Variants in DRD2 observed in about 807,000 individuals in gnomAD.
The protein encoded by DRD2 is D(2) dopamine receptor.
Under a neutral mutation model 38.0 loss-of-function variants are expected in DRD2, and 8 were observed. The observed-to-expected ratio is 0.21, with a 90% confidence interval of 0.12 to 0.38. The LOEUF (loss-of-function observed/expected upper bound fraction) is 0.38, where lower values mean the gene tolerates loss of function less well. Among genes scored for constraint, DRD2 ranks in the 10% least tolerant of loss-of-function variants. The pLI is 1.00. For missense variants in DRD2, 403 were observed against 607.7 expected (o/e 0.66, Z 3.54); for synonymous variants, 230 against 238.6 (o/e 0.96, Z 0.33).
chr11:113,453,882 T>A (rs1177333266), intron 1 of DRD2, among the ~76,000 whole-genome samples: 2 of 152,258 alleles, frequency 1.3e-5, no homozygotes, highest in Non-Finnish European at 2.9e-5. Flanking sequence ...AATAAATGTG[T>A]AGAATTGAGC....
At chr11:113,417,342 T>A (rs899901736) in intron 3 of DRD2, among the ~76,000 whole-genome samples, 1 of 152,188 alleles carries the variant, frequency 6.6e-6, no homozygotes, top group Non-Finnish European at 1.5e-5. Context: ...GTTGAGCCCA[T>A]AAGGTGGAAA....
rs1950782257 is a variant in DRD2 at position 113,412,787 on chromosome 11, G to C, written c.907C>G (p.His303Asp). ...GACGGGTCGGGGAGAGTCAGCTGGT[G>C]GTGGCTGGGTGGGATGGGGCTGTAC... Reference protein sequence around the residue: ...TRYSPIPPSHHQLTLPDPSHH... With the variant: ...TRYSPIPPSHDQLTLPDPSHH... The change falls in exon 7 of 8, where the codon CAC (histidine) becomes GAC (aspartate). Residue 303 changes from histidine to aspartate, a missense_variant. By Grantham distance (81) the His-to-Asp change is moderately conservative. Around this residue, in one of 4 missense-constraint regions of DRD2, gnomAD observed 166 missense variants for 178.6 expected, o/e 0.93. Transcript: ENST00000362072. The C allele has an allele frequency of 6.2e-7, 1 of 1,613,772 alleles. No individual in the cohort carries two copies. The highest frequency in any genetic ancestry group is 8.5e-7 in the Non-Finnish European group (1 of 1,179,716).
intron 1 of DRD2, among the ~76,000 whole-genome samples, chr11:113,432,380 A>G (rs1950996203): frequency 6.6e-6 from 1 of 151,512 alleles, no homozygotes; most frequent in Admixed American, 6.6e-5. Context: ...ACAGAGCTAG[A>G]AAGGTGGGGG....
At chr11:113,446,832 T>C (rs538521498) in intron 1 of DRD2, among the ~76,000 whole-genome samples, 2 of 152,290 alleles carry the variant, frequency 1.3e-5, no homozygotes, top group African/African-American at 4.8e-5. Context: ...TCAGTGTTGG[T>C]GGCGAGTGAG....
At chr11:113,471,261 A>G (rs982076119) in intron 1 of DRD2, among the ~76,000 whole-genome samples, 1 of 152,230 alleles carries the variant, frequency 6.6e-6, no homozygotes, top group Non-Finnish European at 1.5e-5. Context: ...TACATTGGTC[A>G]TGGGAACAGG....
chr11:113,452,564 ATCT>A (rs1339995239), intron 1 of DRD2, among the ~76,000 whole-genome samples: 2 of 151,460 alleles, frequency 1.3e-5, no homozygotes, highest in East Asian at 3.9e-4. Flanking sequence ...CAAACCACAC[ATCT>A]TCTGGAATTC....
intron 3 of DRD2, 65 bp from the exon 4 acceptor site, chr11:113,417,064 A>C: frequency 6.3e-7 from 1 of 1,588,494 alleles, no homozygotes; most frequent in Non-Finnish European, 8.6e-7. Context: ...CACAATATGC[A>C]CACACCAGAG....
At chr11:113,432,216 G>A (rs184267844) in intron 1 of DRD2, among the ~76,000 whole-genome samples, 94 of 152,154 alleles carry the variant, frequency 6.2e-4, no homozygotes, top group African/African-American at 2.3e-3. Flanking sequence ...CAATCTGTTA[G>A]GACAGCCTGG....
chr11:113,412,284 C>A (rs1950776361), intron 7 of DRD2, among the ~76,000 whole-genome samples: 1 of 152,194 alleles, frequency 6.6e-6, no homozygotes, highest in South Asian at 2.1e-4. Flanking sequence ...ATAGACTAGT[C>A]AAATTTCCAG....
intron 1 of DRD2, among the ~76,000 whole-genome samples, chr11:113,455,112 G>A (rs1243227594): frequency 6.6e-6 from 1 of 152,170 alleles, no homozygotes; most frequent in Non-Finnish European, 1.5e-5. Context: ...ACTTTGGGAG[G>A]CCGAAGTGGA....
intron 1 of DRD2, among the ~76,000 whole-genome samples, chr11:113,465,414 GTT>G (rs1250799420): frequency 6.0e-4 from 46 of 77,020 alleles, no homozygotes; most frequent in African/African-American, 1.5e-3. Context: ...TGTTGTTGTT[GTT>G]TGTTTGTTTG....
chr11:113,416,511 G>A (rs1390396140), intron 4 of DRD2, among the ~76,000 whole-genome samples: 5 of 152,284 alleles, frequency 3.3e-5, no homozygotes, highest in Middle Eastern at 3.4e-3. Flanking sequence ...AGTAGCCTCC[G>A]CCATCCCATG....
intron 5 of DRD2, 130 bp downstream of exon 5, chr11:113,415,291 C>T (rs1481392418): frequency 1.7e-5 from 21 of 1,229,268 alleles, no homozygotes; most frequent in Non-Finnish European, 2.1e-5. Flanking sequence ...TTGCCCGGCT[C>T]CTGGGAATTC....
In DRD2 at chr11:113,414,367, G is replaced by C; in HGVS notation, c.810+8C>G. 6.2e-7 allele frequency: 1 copy of C among 1,613,232 alleles called. No individual in the cohort carries two copies. Among genetic ancestry groups the C allele is most frequent in the Non-Finnish European group, 8.5e-7 (1 of 1,179,172 alleles). On this transcript the variant is annotated splice_region_variant and intron_variant, in intron 6 of 7. Transcript: ENST00000362072. ...ACCTGGCTCTGGGTCCCTGGCCTGA[G>C]CACTTACCACTCTCCGCCTGTTCAC... is the stretch of plus-strand genomic sequence containing the variant.
At chr11:113,470,674 A>G (rs923750170) in intron 1 of DRD2, among the ~76,000 whole-genome samples, 2 of 152,222 alleles carry the variant, frequency 1.3e-5, no homozygotes, top group African/African-American at 2.4e-5. Context: ...TTCAATGCAT[A>G]TTTAACATCA....
chr11:113,472,200 C>T (rs928109051), intron 1 of DRD2, among the ~76,000 whole-genome samples: 11 of 152,250 alleles, frequency 7.2e-5, no homozygotes, highest in African/African-American at 2.7e-4. Flanking sequence ...CATACACATA[C>T]ACACAGTGCT....
At position 113,410,686 on chromosome 11, in the gene DRD2, G is replaced by T. The variant is rs1950760546; in HGVS notation, c.*41C>A. ...AGGGTGAGGCTGGCCGGCCTGGGCA[G>T]GGAGGTGGGAAGCAGGCTGCTGTGC... On this transcript the variant is annotated 3_prime_UTR_variant, in exon 8 of 8. Coordinates refer to ENST00000362072, the MANE Select transcript of DRD2 (RefSeq NM_000795.4). 3 of 1,613,132 alleles carry T rather than the reference G, an allele frequency of 1.9e-6. No individual in the cohort carries two copies. The highest frequency in any genetic ancestry group is 2.5e-6 in the Non-Finnish European group (3 of 1,179,532).
intron 1 of DRD2, among the ~76,000 whole-genome samples, chr11:113,466,909 T>A (rs1951375522): frequency 6.6e-6 from 1 of 152,204 alleles, no homozygotes; most frequent in South Asian, 2.1e-4. Context: ...AGCATTAAGT[T>A]GGCTCCTCAC....
chr11:113,443,563 GCACCGCA>G (rs1299051000), intron 1 of DRD2, among the ~76,000 whole-genome samples: 4 of 152,202 alleles, frequency 2.6e-5, no homozygotes, highest in African/African-American at 9.6e-5. Flanking sequence ...TGACGGATGT[GCACCGCA>G]CACCATATGT....
Sources: gnomAD v4.1 joint callset for allele counts (sites outside exome capture counted in the v4.1 genomes callset) on GRCh38, gnomAD v4.1.1 for gene constraint, gnomAD v4.1.1 regional missense constraint, MANE v1.5 for transcripts, NCBI Gene and HGNC (gene_info 2026-07-23, HGNC 2026-07-21) for gene names.